The following HIF1A variants were observed in gnomAD, a reference collection of about 807,000 sequenced individuals.
HIF1A encodes the protein hypoxia inducible factor 1 subunit alpha.
A neutral mutation model predicts 92.7 loss-of-function variants in HIF1A; 24 were observed. The ratio of observed to expected loss-of-function variants is 0.26; its 90% CI spans 0.19 to 0.36. The LOEUF is 0.36. Among genes scored for constraint, HIF1A ranks in the 10% least tolerant of loss-of-function variants. HIF1A has a pLI of 1.00. For missense variants in HIF1A, 799 were observed against 998.5 expected, an observed-to-expected ratio of 0.80 and a Z score of 2.69; for synonymous variants, 319 against 338.7, an observed-to-expected ratio of 0.94 and a Z score of 0.64.
intron 13 of HIF1A, 87 bp downstream of exon 13, chr14:61,744,900 C>A: frequency 3.6e-6 from 2 of 550,224 alleles, no homozygotes; most frequent in South Asian, 3.0e-5. Flanking sequence ...TGTGTTTCCA[C>A]GTTTCTTCCA....
chr14:61,697,076 CTGT>C (rs2044125903), intron 1 of HIF1A, among the ~76,000 whole-genome samples: 1 of 152,182 alleles, frequency 6.6e-6, no homozygotes, highest in Admixed American at 6.5e-5. Flanking sequence ...ACTGGCTTTG[CTGT>C]TAAATCCTTC....
At chr14:61,702,155 C>T (rs913005153) in intron 1 of HIF1A, among the ~76,000 whole-genome samples, 1 of 151,196 alleles carries the variant, frequency 6.6e-6, no homozygotes, top group Non-Finnish European at 1.5e-5. Context: ...CGGCCCGGCA[C>T]GGTGGCTCCT....
At chr14:61,737,779 C>A (rs1208429657) in intron 9 of HIF1A, among the ~76,000 whole-genome samples, 1 of 152,192 alleles carries the variant, frequency 6.6e-6, no homozygotes, top group Non-Finnish European at 1.5e-5. Context: ...GTAATCCCAG[C>A]ACTTTGGGAG....
chr14:61,721,236 A>G (rs11158357), intron 2 of HIF1A, among the ~76,000 whole-genome samples: 149,198 of 152,220 alleles, frequency 0.98, 73,181 homozygotes, highest in Middle Eastern at 1. Context: ...GTGAGACTCC[A>G]TCTCAAAAAT....
intron 1 of HIF1A, among the ~76,000 whole-genome samples, chr14:61,718,734 A>G (rs1165291029): frequency 1.3e-5 from 2 of 151,982 alleles, no homozygotes; most frequent in Admixed American, 6.6e-5. Context: ...TCATATAACT[A>G]GTTATAGTTC....
At chr14:61,734,114 G>T in intron 7 of HIF1A, 24 bp from the exon 8 acceptor site, 1 of 1,478,532 alleles carries the variant, frequency 6.8e-7, no homozygotes, top group Non-Finnish European at 9.1e-7. Context: ...TTCTCTGCAT[G>T]ATTCTTTTTC....
intron 1 of HIF1A, among the ~76,000 whole-genome samples, chr14:61,703,973 G>GA (rs768468932): frequency 6.4e-4 from 98 of 152,220 alleles, no homozygotes; most frequent in Middle Eastern, 3.4e-3. Context: ...AGAAAAAGAT[G>GA]ATCCTTTTCT....
chr14:61,708,613 T>C (rs2044271473), intron 1 of HIF1A, among the ~76,000 whole-genome samples: 1 of 85,306 alleles, frequency 1.2e-5, no homozygotes, highest in Non-Finnish European at 3.7e-5. Flanking sequence ...CAGATGGTTG[T>C]AGATAAGCGG....
intron 1 of HIF1A, among the ~76,000 whole-genome samples, chr14:61,714,106 T>C (rs767897131): frequency 1.3e-5 from 2 of 152,202 alleles, no homozygotes; most frequent in Non-Finnish European, 2.9e-5. Context: ...GTAGATTAAC[T>C]GAGCACATTG....
At chr14:61,700,133 A>T (rs934757455) in intron 1 of HIF1A, among the ~76,000 whole-genome samples, 3 of 152,104 alleles carry the variant, frequency 2.0e-5, no homozygotes, top group Non-Finnish European at 2.9e-5. Flanking sequence ...TTTTTCTTAT[A>T]GCTTTTGATT....
At chr14:61,701,276 A>G (rs2044172924) in intron 1 of HIF1A, among the ~76,000 whole-genome samples, 1 of 148,360 alleles carries the variant, frequency 6.7e-6, no homozygotes, top group African/African-American at 2.6e-5. Context: ...TTATTTCAAC[A>G]TATGATTTTG....
chr14:61,696,796 T>A (rs1008074968), intron 1 of HIF1A, among the ~76,000 whole-genome samples: 1 of 152,232 alleles, frequency 6.6e-6, no homozygotes, highest in Non-Finnish European at 1.5e-5. Context: ...CTCATTTTCC[T>A]GAAATTGAAG....
intron 12 of HIF1A, 104 bp downstream of exon 12, chr14:61,741,292 A>G: frequency 1.4e-6 from 1 of 708,358 alleles, no homozygotes; most frequent in Non-Finnish European, 2.3e-6. Flanking sequence ...TCTGATATAT[A>G]TGCCCTAACG....
intron 5 of HIF1A, among the ~76,000 whole-genome samples, chr14:61,727,198 T>C (rs2044516293): frequency 6.6e-6 from 1 of 152,308 alleles, no homozygotes. Context: ...GATGATGAGA[T>C]GAATGAAAAA....
At chr14:61,742,251 A>T (rs369156089) in intron 12 of HIF1A, among the ~76,000 whole-genome samples, 4 of 152,340 alleles carry the variant, frequency 2.6e-5, no homozygotes, top group East Asian at 3.9e-4. Flanking sequence ...GTTTTATCTA[A>T]TAAGTGTGTG....
chr14:61,730,369 T>A (rs1446770950), intron 6 of HIF1A, among the ~76,000 whole-genome samples: 6 of 152,198 alleles, frequency 3.9e-5, no homozygotes, highest in Non-Finnish European at 8.8e-5. Flanking sequence ...TAGACATACC[T>A]CAGATTGAGA....
intron 6 of HIF1A, among the ~76,000 whole-genome samples, chr14:61,731,382 A>T (rs994186911): frequency 6.6e-5 from 10 of 152,222 alleles, no homozygotes; most frequent in Admixed American, 6.5e-4. Context: ...ACAGAGAATA[A>T]GATCTAGTCT....
intron 6 of HIF1A, among the ~76,000 whole-genome samples, chr14:61,730,457 CCTA>C (rs1363915083): frequency 1.3e-5 from 2 of 152,118 alleles, no homozygotes; most frequent in Non-Finnish European, 2.9e-5. Flanking sequence ...GATCCCCCTA[CCTA>C]CTTCTTCAGC....
chr14:61,740,890 G>A lies in HIF1A; in HGVS notation c.1795G>A (p.Val599Ile), dbSNP rs189765835. 5.6e-6 allele frequency: 9 copies of A among 1,614,176 alleles called. No individual in the cohort carries two copies. In the Admixed American group the frequency reaches 6.7e-5, roughly 12 times the overall value. ...SPESASPQST[V>I]TVFQQTQIQE... ...TGAAAGCGCAAGTCCTCAAAGCACA[G>A]TTACAGTATTCCAGCAGACTCAAAT... The change falls in exon 12 of 15, where the codon GTT (valine) becomes ATT (isoleucine). Residue 599 changes from valine to isoleucine, a missense_variant. Val to Ile is a conservative substitution (Grantham distance 29). This residue lies in a region of HIF1A where 283 missense variants were observed against 277.5 expected (regional missense o/e 1.02). Transcript: ENST00000337138.
Sources: allele counts gnomAD v4.1 joint callset (sites outside exome capture counted in the v4.1 genomes callset), GRCh38; gene constraint gnomAD v4.1.1; regional missense constraint gnomAD v4.1.1; transcripts MANE v1.5; gene names NCBI Gene and HGNC (gene_info 2026-07-23, HGNC 2026-07-21).